UMODL1: variants seen among roughly 807,000 people sequenced by gnomAD.
UMODL1 encodes the protein uromodulin-like 1.
In UMODL1, 128 loss-of-function variants were observed where a neutral mutation model predicts 136.3. The ratio of observed to expected loss-of-function variants is 0.94; its 90% CI spans 0.81 to 1.09. The LOEUF is 1.09. Ranked by LOEUF, UMODL1 falls within the 50% of genes least tolerant of loss-of-function variation. UMODL1 has a pLI of 0.00. For synonymous variants in UMODL1, 721 were observed against 720.0 expected (o/e 1.00, Z -0.02); for missense variants, 1,766 against 1,725.6 (o/e 1.02, Z -0.41).
At chr21:42,071,197 G>A (rs1268000998), upstream of UMODL1, 11 of 1,084,222 alleles carry the variant, frequency 1.0e-5, no homozygotes, top group Non-Finnish European at 1.3e-5. Flanking sequence ...AGCAGCACAG[G>A]GGACAGAAAG....
At chr21:42,076,668 A>G (rs2066295439) in intron 2 of UMODL1, among the ~76,000 whole-genome samples, 1 of 152,124 alleles carries the variant, frequency 6.6e-6, no homozygotes, top group African/African-American at 2.4e-5. Flanking sequence ...CTCATATACC[A>G]CTGAGTGTGA....
In UMODL1 at chr21:42,099,157, C is replaced by T. The variant is rs781018614; in HGVS notation, c.1163C>T (p.Ser388Phe). 2 of 1,612,958 alleles carry T rather than the reference C, an allele frequency of 1.2e-6. No individual in the cohort carries two copies. Among genetic ancestry groups the T allele is most frequent in the East Asian group, 2.2e-5 (1 of 44,860 alleles). Residue 388 changes from serine to phenylalanine, a missense_variant, in exon 7 of 23, where the codon TCC becomes TTC. Transcript: ENST00000408910. The surrounding 1 kb of genome is among the most constrained non-coding windows in gnomAD (Gnocchi z 4.1). ...TACCAGGGGTGCGGGGCCGACGTCT[C>T]CACCACGCTGACCATCAAAACCAGT... ...TSYQGCGADV[S>F]TTLTIKTNAQ...
At chr21:42,068,074 G>C (rs1388588402), upstream of UMODL1, among the ~76,000 whole-genome samples, 2 of 152,134 alleles carry the variant, frequency 1.3e-5, no homozygotes, top group African/African-American at 4.8e-5. The surrounding 1 kb of genome is among the most constrained non-coding windows in gnomAD (Gnocchi z 5.5). Flanking sequence ...ATGGAGGAGT[G>C]GCACTCACTG....
At chr21:42,100,560 C>A (rs1018650258) in intron 7 of UMODL1, among the ~76,000 whole-genome samples, 22 of 152,182 alleles carry the variant, frequency 1.4e-4, no homozygotes, top group African/African-American at 5.3e-4. Flanking sequence ...CTTCTCATTT[C>A]ATTTCCAAAG....
intron 21 of UMODL1, among the ~76,000 whole-genome samples, chr21:42,133,363 A>G (rs1044319765): frequency 1.3e-5 from 2 of 152,232 alleles, no homozygotes; most frequent in African/African-American, 2.4e-5. Context: ...GCCTAAGCTC[A>G]CACAGCTGGT....
At chr21:42,084,760 A>G (rs1406607926) in intron 3 of UMODL1, among the ~76,000 whole-genome samples, 1 of 150,072 alleles carries the variant, frequency 6.7e-6, no homozygotes, top group African/African-American at 2.4e-5. Flanking sequence ...TTTAATATTT[A>G]AAATATTATA....
At position 42,084,107 on chromosome 21, in the gene UMODL1, A is replaced by G; in HGVS notation, c.343A>G (p.Thr115Ala). ...AGCCCTGAATCAGTCCGGGCAGTTC[A>G]CGTCAAGACCTGGGGCCTGCCCCGC... ...VLPLNQSGQF[T>A]SRPGACPAEG... Residue 115 changes from threonine (T) to alanine (A), a missense_variant, in exon 3 of 23, where the codon ACG (threonine) becomes GCG (alanine). Transcript: ENST00000408910. 6.2e-7 allele frequency: 1 copy of G among 1,614,052 alleles called. No homozygotes were observed. Among genetic ancestry groups the G allele is most frequent in the Non-Finnish European group, 8.5e-7 (1 of 1,179,958 alleles).
intron 20 of UMODL1, chr21:42,128,042 A>C (rs1290639674): frequency 1.5e-6 from 1 of 680,496 alleles, no homozygotes; most frequent in African/African-American, 1.8e-5. Flanking sequence ...ACTGGTGGGC[A>C]TTTCCCATTT....
chr21:42,124,822 G>A (rs1270307717), intron 17 of UMODL1, among the ~76,000 whole-genome samples: 2 of 152,192 alleles, frequency 1.3e-5, no homozygotes, highest in African/African-American at 4.8e-5. Context: ...GTGGTGCCCT[G>A]AAACCACCGT....
intron 1 of UMODL1, among the ~76,000 whole-genome samples, chr21:42,072,494 C>T (rs1159444944): frequency 6.6e-6 from 1 of 152,112 alleles, no homozygotes; most frequent in African/African-American, 2.4e-5. Context: ...GGGTGGGTAT[C>T]CTGGGAAGCT....
chr21:42,122,443 T>C lies in UMODL1; in HGVS notation c.2828-388T>C, dbSNP rs2066984453. Among the ~76,000 whole-genome samples, 1 of 152,184 alleles carries C rather than the reference T, an allele frequency of 6.6e-6. No individual in the cohort carries two copies. The highest frequency in any genetic ancestry group is 3.2e-3 in the Middle Eastern group (1 of 316). ...GAAGACTCACCCTGTATCCACTGGC[T>C]TGGCACATCCCCGGCATCAGGTCCC... On this transcript the variant is annotated intron_variant, in intron 16 of 22. Coordinates refer to ENST00000408910, the MANE Select transcript of UMODL1 (RefSeq NM_001004416.3). This position sits in a 1 kb window ranked among gnomAD's most constrained non-coding sequence, Gnocchi z 4.3.
chr21:42,138,128 G>A (rs1234279133), intron 22 of UMODL1, among the ~76,000 whole-genome samples: 2 of 152,100 alleles, frequency 1.3e-5, no homozygotes, highest in East Asian at 1.9e-4. Flanking sequence ...TTGACCACCC[G>A]GGCAAGGTCC....
intron 6 of UMODL1, 120 bp from the exon 7 acceptor site, chr21:42,098,806 G>A: frequency 6.9e-7 from 1 of 1,455,526 alleles, no homozygotes; most frequent in South Asian, 1.3e-5. Flanking sequence ...GTTCTGGATG[G>A]GTCAACTTGA....
chr21:42,100,374 C>T (rs954575800), intron 7 of UMODL1, among the ~76,000 whole-genome samples: 21 of 152,162 alleles, frequency 1.4e-4, no homozygotes, highest in African/African-American at 4.8e-4. Context: ...GCGGAATGAG[C>T]GACCTTCTGT....
chr21:42,083,955 TG>T, intron 2 of UMODL1, 128 bp from the exon 3 acceptor site: 2 of 1,144,754 alleles, frequency 1.7e-6, no homozygotes, highest in Non-Finnish European at 1.2e-6. Flanking sequence ...GGCATGGGGA[TG>T]GGCCCCGAAC....
At chr21:42,069,229 A>AACACACACACAC (rs61712292), upstream of UMODL1, among the ~76,000 whole-genome samples, 16,355 of 136,120 alleles carry the variant, frequency 0.12, 1,069 homozygotes, top group Non-Finnish European at 0.13. Context: ...CACAGACAGA[A>AACACACACACAC]ACACACACAC....
At chr21:42,093,808 G>T in intron 6 of UMODL1, 1 of 450,600 alleles carries the variant, frequency 2.2e-6, no homozygotes, top group South Asian at 1.6e-5. Flanking sequence ...GGGTCTCCAG[G>T]TATTAAAAAT....
rs1243333821 is a variant in UMODL1 at position 42,097,071 on chromosome 21, T to C, written c.932-1855T>C. On this transcript the variant is annotated intron_variant, in intron 6 of 22. Coordinates refer to ENST00000408910, the MANE Select transcript of UMODL1 (RefSeq NM_001004416.3). ...GTCCCAAGCTTTGGGCCACCCTCAG[T>C]TGAAGCATTTCTGCTTTTCTTGCCA... Among the ~76,000 whole-genome samples the C allele has an allele frequency of 2.0e-5, 3 of 152,328 alleles. No individual in the cohort carries two copies. In the East Asian group the frequency reaches 5.8e-4, roughly 29 times the overall value.
At chr21:42,113,066 A>T (rs753789959) in intron 12 of UMODL1, 1 of 153,206 alleles carries the variant, frequency 6.5e-6, no homozygotes. Flanking sequence ...ATCTTCCTCA[A>T]TGCATTTCCT....
Sources: allele counts gnomAD v4.1 joint callset (sites outside exome capture counted in the v4.1 genomes callset), GRCh38; gene constraint gnomAD v4.1.1; non-coding constraint Gnocchi (gnomAD v3.1); transcripts MANE v1.5; gene names NCBI Gene and HGNC (gene_info 2026-07-23, HGNC 2026-07-21).